CELF2: variants seen among roughly 807,000 people sequenced by gnomAD.
The protein encoded by CELF2 is CUGBP Elav-like family member 2, also known as CUG triplet repeat RNA-binding protein 2.
CELF2 carries 8 observed loss-of-function variants against 62.6 expected under a neutral mutation model. That is an observed-to-expected ratio of 0.13 (90% confidence interval 0.07 to 0.23). The LOEUF (loss-of-function observed/expected upper bound fraction) is 0.23, where lower values mean the gene tolerates loss of function less well. Among genes scored for constraint, CELF2 ranks in the 10% least tolerant of loss-of-function variants. The probability of loss-of-function intolerance (pLI) is 1.00; values close to 1 mark genes in which losing one functional copy is unlikely to be tolerated. For synonymous variants in CELF2, 258 were observed against 250.0 expected, an observed-to-expected ratio of 1.03 and a Z score of -0.30; for missense variants, 333 against 671.0, an observed-to-expected ratio of 0.50 and a Z score of 5.56.
chr10:10,588,295 A>G, the CELF2 span, among the ~76,000 whole-genome samples: 1 of 152,150 alleles, frequency 6.6e-6, no homozygotes, highest in African/African-American at 2.4e-5. Context: ...CTTGAGGAAG[A>G]CTATTTCCTA....
intron 1 of CELF2, among the ~76,000 whole-genome samples, chr10:11,108,607 G>A (rs542579227): frequency 2.6e-5 from 4 of 152,262 alleles, no homozygotes; most frequent in South Asian, 2.1e-4. Context: ...GCTGCAGGGC[G>A]CAAGCACACT....
intron 1 of CELF2, among the ~76,000 whole-genome samples, chr10:10,864,262 C>T (rs554669921): frequency 6.6e-6 from 1 of 151,840 alleles, no homozygotes; most frequent in Admixed American, 6.6e-5. Context: ...CATTTCTTCA[C>T]CTATTAAATC....
At chr10:10,971,274 ATAC>A (rs2050723250) in intron 2 of CELF2, among the ~76,000 whole-genome samples, 1 of 152,062 alleles carries the variant, frequency 6.6e-6, no homozygotes, top group African/African-American at 2.4e-5. Context: ...CTTTCTTTTT[ATAC>A]AAGCACACCC....
At chr10:10,587,429 A>G in the CELF2 span, among the ~76,000 whole-genome samples, 3 of 152,134 alleles carry the variant, frequency 2.0e-5, no homozygotes, top group East Asian at 1.9e-4. Context: ...CTGCCAGACA[A>G]CTTCAGGGGA....
intron 2 of CELF2, among the ~76,000 whole-genome samples, chr10:11,201,974 G>A (rs1383800096): frequency 6.7e-6 from 1 of 150,280 alleles, no homozygotes; most frequent in Non-Finnish European, 1.5e-5. Context: ...GTAACTCCTG[G>A]CACCCATGCT....
the CELF2 span, among the ~76,000 whole-genome samples, chr10:10,485,571 A>T: frequency 8.5e-5 from 13 of 152,234 alleles, no homozygotes; most frequent in East Asian, 2.5e-3. Context: ...GTCATTCCCC[A>T]TGCAGGGAGA....
the CELF2 span, among the ~76,000 whole-genome samples, chr10:10,581,200 A>C: frequency 6.6e-6 from 1 of 152,214 alleles, no homozygotes; most frequent in African/African-American, 2.4e-5. Context: ...TGAACAAAAG[A>C]TGTGGTCCTA....
chr10:10,877,332 T>C (rs2061165466), intron 1 of CELF2, among the ~76,000 whole-genome samples: 1 of 152,184 alleles, frequency 6.6e-6, no homozygotes. Flanking sequence ...AGAGCACAGT[T>C]TGGTTTTATA....
Position 10,877,036 on chromosome 10 carries a change from A to G in CELF2, c.54-42928A>G, listed in dbSNP as rs115208618. Among the ~76,000 whole-genome samples, 704 of 152,336 alleles carry G rather than the reference A, an allele frequency of 4.6e-3. 6 individuals carry two copies. The highest frequency in any genetic ancestry group is 0.016 in the African/African-American group (675 of 41,572). On this transcript the variant is annotated intron_variant, in intron 1 of 13. Coordinates refer to the CELF2 transcript ENST00000636488. ...GTACTGGCAGTGTTAGCGTCCTTCT[A>G]CAAGAGTCCTATTGCAGGAGGCATC...
rs545392044 is a variant in CELF2 at position 11,176,321 on chromosome 10, T to A, written c.271+10639T>A. Reference sequence around the variant, plus strand: ...AAAATGTACAGTCCTCTTATTAGCATAACGAAGCCATCAGCATTGCATCAA... The same window carrying A: ...AAAATGTACAGTCCTCTTATTAGCAAAACGAAGCCATCAGCATTGCATCAA... On this transcript the variant is annotated intron_variant, in intron 2 of 12. Coordinates refer to ENST00000633077, the MANE Select transcript of CELF2 (RefSeq NM_001326342.2). Among the ~76,000 whole-genome samples, 4 of 152,326 alleles carry A rather than the reference T, an allele frequency of 2.6e-5. No individual in the cohort carries two copies. In the South Asian group the frequency reaches 6.2e-4, roughly 24 times the overall value.
intron 9 of CELF2, among the ~76,000 whole-genome samples, chr10:11,304,929 C>T (rs888395805): frequency 6.6e-6 from 1 of 152,180 alleles, no homozygotes; most frequent in African/African-American, 2.4e-5. Context: ...GTTCCCTCTC[C>T]AAACATAGCC....
At chr10:10,583,799 A>G in the CELF2 span, among the ~76,000 whole-genome samples, 1 of 152,310 alleles carries the variant, frequency 6.6e-6, no homozygotes, top group African/African-American at 2.4e-5. Flanking sequence ...CCAGGAGTGG[A>G]AGATACCAGG....
At chr10:11,146,183 C>G (rs2062237733) in intron 1 of CELF2, among the ~76,000 whole-genome samples, 1 of 152,148 alleles carries the variant, frequency 6.6e-6, no homozygotes, top group Non-Finnish European at 1.5e-5. Flanking sequence ...TACTACACTT[C>G]CTACAAATAT....
chr10:10,827,233 A>G (rs934995482), intron 1 of CELF2, among the ~76,000 whole-genome samples: 2 of 152,158 alleles, frequency 1.3e-5, no homozygotes, highest in African/African-American at 2.4e-5. Flanking sequence ...CCATGAGCAC[A>G]TGATAGCCTC....
At chr10:10,472,167 AT>A in the CELF2 span, among the ~76,000 whole-genome samples, 1 of 151,506 alleles carries the variant, frequency 6.6e-6, no homozygotes, top group South Asian at 2.1e-4. Flanking sequence ...TTCTGTAACT[AT>A]TTTTTTCAAA....
chr10:11,059,811 G>A (rs1408326747), intron 1 of CELF2, among the ~76,000 whole-genome samples: 1 of 152,174 alleles, frequency 6.6e-6, no homozygotes, highest in Non-Finnish European at 1.5e-5. Flanking sequence ...AACTAATTTT[G>A]TTGAATATCT....
chr10:11,307,246 C>T (rs1298459710), intron 9 of CELF2, among the ~76,000 whole-genome samples: 1 of 152,250 alleles, frequency 6.6e-6, no homozygotes. Context: ...ACTCTGGAGG[C>T]ACCTGGATGG....
chr10:10,721,254 G>A, the CELF2 span, among the ~76,000 whole-genome samples: 1 of 152,128 alleles, frequency 6.6e-6, no homozygotes, highest in Non-Finnish European at 1.5e-5. Flanking sequence ...AGTAGGCTGA[G>A]GTCAATCTTT....
At chr10:10,604,145 G>T in the CELF2 span, among the ~76,000 whole-genome samples, 1 of 152,216 alleles carries the variant, frequency 6.6e-6, no homozygotes, top group Non-Finnish European at 1.5e-5. Flanking sequence ...GGGAGGTGGA[G>T]GTTGCAGTGA....
Sources: allele counts gnomAD v4.1 joint callset (sites outside exome capture counted in the v4.1 genomes callset), GRCh38; gene constraint gnomAD v4.1.1; transcripts MANE v1.5; gene names NCBI Gene and HGNC (gene_info 2026-07-23, HGNC 2026-07-21).